Variants in PKN2 observed in about 807,000 individuals in gnomAD.
The protein encoded by PKN2 is protein kinase N2, also known as serine/threonine-protein kinase N2.
Under a neutral mutation model 119.1 loss-of-function variants are expected in PKN2, and 38 were observed. That is an observed-to-expected ratio of 0.32 (90% confidence interval 0.25 to 0.42). The LOEUF (loss-of-function observed/expected upper bound fraction) is 0.42, where lower values mean the gene tolerates loss of function less well. PKN2 is among the 10% of genes least tolerant of loss of function. PKN2 has a pLI of 1.00. For missense variants in PKN2, 850 were observed against 1,165.1 expected, an observed-to-expected ratio of 0.73 and a Z score of 3.94; for synonymous variants, 390 against 384.9, an observed-to-expected ratio of 1.01 and a Z score of -0.15.
intron 1 of PKN2, among the ~76,000 whole-genome samples, chr1:88,687,706 T>C (rs1666158758): frequency 6.6e-6 from 1 of 152,194 alleles, no homozygotes; most frequent in Admixed American, 6.5e-5. Flanking sequence ...GGTAACTTGC[T>C]CAAGTGGAAA....
intron 1 of PKN2, among the ~76,000 whole-genome samples, chr1:88,700,752 A>G (rs368380552): frequency 2.6e-5 from 4 of 152,176 alleles, no homozygotes; most frequent in East Asian, 1.9e-4. Flanking sequence ...CTTTTCTTCT[A>G]TTTATCTGCC....
At chr1:88,790,837 TTCTG>T (rs761598905) in intron 8 of PKN2, among the ~76,000 whole-genome samples, 5 of 152,142 alleles carry the variant, frequency 3.3e-5, no homozygotes, top group African/African-American at 4.8e-5. Flanking sequence ...TGTCTATGGT[TTCTG>T]TCTTTTTGTT....
chr1:88,743,545 C>A (rs1668655403), intron 2 of PKN2, among the ~76,000 whole-genome samples: 1 of 152,176 alleles, frequency 6.6e-6, no homozygotes, highest in Non-Finnish European at 1.5e-5. Context: ...ACATTCTCTG[C>A]TTTATCTTCT....
chr1:88,743,966 A>G (rs956746777), intron 2 of PKN2, among the ~76,000 whole-genome samples: 1 of 152,218 alleles, frequency 6.6e-6, no homozygotes, highest in African/African-American at 2.4e-5. Flanking sequence ...CAGTTTGTTT[A>G]GAATAAACTT....
intron 1 of PKN2, among the ~76,000 whole-genome samples, chr1:88,688,077 A>C (rs990437932): frequency 9.0e-6 from 1 of 111,166 alleles, no homozygotes. Context: ...TATGTTTCCC[A>C]CTACACTATT....
intron 6 of PKN2, among the ~76,000 whole-genome samples, chr1:88,775,471 A>G (rs1421577332): frequency 2.6e-5 from 4 of 151,998 alleles, no homozygotes; most frequent in Admixed American, 6.5e-5. Flanking sequence ...ATAATACTCT[A>G]TTGTGTGGAT....
chr1:88,793,486 G>A (rs907188797), intron 8 of PKN2, among the ~76,000 whole-genome samples: 5 of 152,022 alleles, frequency 3.3e-5, no homozygotes, highest in African/African-American at 4.8e-5. Flanking sequence ...GTATAGAATT[G>A]CCTACTTTTT....
At chr1:88,744,621 C>T (rs1286144945) in intron 2 of PKN2, among the ~76,000 whole-genome samples, 1 of 152,154 alleles carries the variant, frequency 6.6e-6, no homozygotes, top group African/African-American at 2.4e-5. Context: ...AGGGTTTCAT[C>T]ACATTGGCCA....
At chr1:88,783,651 A>C (rs1275054889) in intron 6 of PKN2, among the ~76,000 whole-genome samples, 1 of 152,234 alleles carries the variant, frequency 6.6e-6, no homozygotes, top group Admixed American at 6.5e-5. Flanking sequence ...TATTCATTGT[A>C]CAGTATCTAA....
At chr1:88,730,438 C>T (rs992132443) in intron 1 of PKN2, among the ~76,000 whole-genome samples, 1 of 152,184 alleles carries the variant, frequency 6.6e-6, no homozygotes, top group African/African-American at 2.4e-5. Flanking sequence ...GGGTTTTGTC[C>T]TGTTTGTTCC....
chr1:88,698,914 C>T (rs17130580), intron 1 of PKN2, among the ~76,000 whole-genome samples: 8,302 of 152,136 alleles, frequency 0.055, 284 homozygotes, highest in East Asian at 0.12. Flanking sequence ...TCCTTTACGA[C>T]TATGTTTTGA....
intron 3 of PKN2, among the ~76,000 whole-genome samples, chr1:88,768,018 G>T (rs774266006): frequency 0.062 from 9,455 of 152,088 alleles, no homozygotes; most frequent in African/African-American, 0.16. Context: ...TTGCCTTAGT[G>T]ATTAAAAATA....
chr1:88,747,057 A>G (rs936696111), intron 2 of PKN2, among the ~76,000 whole-genome samples: 1 of 152,296 alleles, frequency 6.6e-6, no homozygotes, highest in South Asian at 2.1e-4. Flanking sequence ...AGACAAATTC[A>G]TTGACGTAGA....
intron 8 of PKN2, among the ~76,000 whole-genome samples, chr1:88,788,287 T>G (rs1266272543): frequency 6.6e-6 from 1 of 152,216 alleles, no homozygotes; most frequent in African/African-American, 2.4e-5. Flanking sequence ...CAACACAGTC[T>G]TTTGTGTTGT....
chr1:88,825,619 C>T (rs1672470037), intron 18 of PKN2, among the ~76,000 whole-genome samples: 1 of 152,190 alleles, frequency 6.6e-6, no homozygotes, highest in Non-Finnish European at 1.5e-5. Context: ...TGAAATCTAT[C>T]ATTTCCAGTC....
In PKN2 at chr1:88,832,981, G is replaced by A. The variant is rs1033739595; in HGVS notation, c.2671-96G>A. On this transcript the variant is annotated intron_variant, in intron 20 of 21. Coordinates refer to ENST00000370521, the MANE Select transcript of PKN2 (RefSeq NM_006256.4). ...ATGTTGCATGGCTTAGACAAAAAAAGACAAAATATATCTAAGTTTTTTAAA... is the reference window on the plus strand; with the variant it reads ...ATGTTGCATGGCTTAGACAAAAAAAAACAAAATATATCTAAGTTTTTTAAA... 2.3e-5 allele frequency: 31 copies of A among 1,323,226 alleles called. No homozygotes were observed. The African/African-American group carries it at 4.7e-4, about 20-fold the overall frequency. 82.0% of individuals were successfully genotyped at this position (1,323,226 alleles called of 1,614,324 possible).
intron 1 of PKN2, among the ~76,000 whole-genome samples, chr1:88,711,952 G>T (rs1021017432): frequency 9.2e-5 from 14 of 152,134 alleles, no homozygotes; most frequent in African/African-American, 3.1e-4. Flanking sequence ...TATTGAACTG[G>T]CAAGAGAAAT....
chr1:88,792,318 G>A lies in PKN2; in HGVS notation c.1281+6105G>A, dbSNP rs1361340273. Among the ~76,000 whole-genome samples, 15 of 152,218 alleles carry A rather than the reference G, an allele frequency of 9.9e-5. No homozygotes were observed. In the East Asian group the frequency reaches 2.3e-3, roughly 23 times the overall value. ...CTCGGGAGGCTGAGGCAATAGAATC[G>A]CTTGAACCTGGGAGGCAGAGGTTGC... On this transcript the variant is annotated intron_variant, in intron 8 of 21. Transcript: ENST00000370521.
At chr1:88,819,999 G>A (rs533417896) in intron 16 of PKN2, among the ~76,000 whole-genome samples, 6 of 151,452 alleles carry the variant, frequency 4.0e-5, no homozygotes, top group South Asian at 4.2e-4. Context: ...ACCGGGGGTC[G>A]GGGGCTAGGG....
Sources: gnomAD v4.1 joint callset for allele counts (sites outside exome capture counted in the v4.1 genomes callset) on GRCh38, gnomAD v4.1.1 for gene constraint, MANE v1.5 for transcripts, NCBI Gene and HGNC (gene_info 2026-07-23, HGNC 2026-07-21) for gene names.